The following MED17 variants were observed in gnomAD, a reference collection of about 807,000 sequenced individuals.
MED17 encodes mediator complex subunit 17.
In MED17, 49 loss-of-function variants were observed where a neutral mutation model predicts 80.8. That is an observed-to-expected ratio of 0.61 (90% CI 0.48 to 0.77). MED17 has a LOEUF of 0.77. MED17 is among the 30% of genes least tolerant of loss of function. MED17 has a pLI of 0.00. For missense variants in MED17, 718 were observed against 787.0 expected, an observed-to-expected ratio of 0.91 and a Z score of 1.05; for synonymous variants, 281 against 280.4, an observed-to-expected ratio of 1.00 and a Z score of -0.02.
intron 9 of MED17, among the ~76,000 whole-genome samples, chr11:93,805,217 C>T (rs914491997): frequency 5.3e-5 from 8 of 152,004 alleles, no homozygotes; most frequent in South Asian, 4.1e-4. Flanking sequence ...ACATTTTTGT[C>T]GAGTACCAGG....
intron 8 of MED17, 40 bp from the exon 9 acceptor site, chr11:93,801,795 T>TGG: frequency 1.3e-6 from 2 of 1,587,154 alleles, no homozygotes; most frequent in Non-Finnish European, 1.7e-6. Context: ...TCATTTTGTA[T>TGG]GGTGACTTAA....
In MED17 at chr11:93,784,754, G is replaced by A. The variant is rs200031503; in HGVS notation, c.241G>A (p.Asp81Asn). The stretch of plus-strand genomic sequence containing the variant: ...CGCCGGGTCCAGCGCAGACCAGGAC[G>A]ACGAGGAAGGTAAGGCCTGCATCCG... ...PGAGSSADQD[D>N]EEGVVKFQPS... The change falls in exon 1 of 12, where the codon GAC becomes AAC. Residue 81 changes from aspartate (D) to asparagine (N), a missense_variant. Coordinates refer to ENST00000251871, the MANE Select transcript of MED17 (RefSeq NM_004268.5). 40 of 1,539,868 alleles carry A rather than the reference G, an allele frequency of 2.6e-5. No homozygotes were observed. The highest frequency in any genetic ancestry group is 3.5e-5 in the Non-Finnish European group (40 of 1,148,050).
chr11:93,796,649 C>A, intron 7 of MED17, 109 bp downstream of exon 7: 1 of 1,223,376 alleles, frequency 8.2e-7, no homozygotes, highest in Non-Finnish European at 1.2e-6. Context: ...ATAGCAACAA[C>A]ATTCACTGTC....
intron 2 of MED17, chr11:93,789,390 T>C (rs904287226): frequency 6.6e-6 from 1 of 152,182 alleles, no homozygotes; most frequent in African/African-American, 2.4e-5. Flanking sequence ...CCCACTGCCT[T>C]TTCTACTATT....
chr11:93,807,345 G>A (rs1390763961), intron 9 of MED17, 173 bp from the exon 10 acceptor site: 13 of 564,662 alleles, frequency 2.3e-5, no homozygotes, highest in Middle Eastern at 4.9e-4. Context: ...CTCAGGAAGC[G>A]GAGGTTGCAG....
intron 11 of MED17, chr11:93,810,946 G>A (rs1187569804): frequency 6.6e-6 from 1 of 152,278 alleles, no homozygotes; most frequent in Admixed American, 6.5e-5. Flanking sequence ...AGATGGTACA[G>A]CCTACTACAT....
At chr11:93,801,650 A>G in intron 8 of MED17, 185 bp from the exon 9 acceptor site, 1 of 583,628 alleles carries the variant, frequency 1.7e-6, no homozygotes, top group Admixed American at 3.0e-5. Context: ...CTGAGAACCT[A>G]CACATTCAAG....
chr11:93,784,976 A>G (rs1305441811), intron 1 of MED17: 3 of 672,908 alleles, frequency 4.5e-6, no homozygotes, highest in Non-Finnish European at 5.0e-6. Context: ...GTCTCCTTGA[A>G]TGGCAGCGTT....
chr11:93,790,232 A>G (rs1280966889), intron 2 of MED17: 1 of 398,252 alleles, frequency 2.5e-6, no homozygotes, highest in Admixed American at 3.5e-5. Context: ...CAAAAAGGTT[A>G]TATATAACTA....
At chr11:93,795,832 CAAATT>C (rs557197611) in intron 6 of MED17, 45 of 154,982 alleles carry the variant, frequency 2.9e-4, no homozygotes, top group African/African-American at 1.1e-3. Flanking sequence ...AAGGAAAAAA[CAAATT>C]AATATATAGC....
Position 93,784,283 on chromosome 11 carries a change from GT to G in MED17, c.-227del. On this transcript the variant is annotated 5_prime_UTR_variant, in exon 1 of 12. Coordinates refer to ENST00000251871, the MANE Select transcript of MED17 (RefSeq NM_004268.5). The stretch of plus-strand genomic sequence containing the variant: ...ACCCTGGAGCTTCCGCGCCTGCCCA[GT>G]TTTGCTCCGAAAGACTTACCGAGGA... 2 of 592,322 alleles carry G rather than the reference GT, an allele frequency of 3.4e-6. No individual in the cohort carries two copies. The highest frequency in any genetic ancestry group is 4.7e-5 in the South Asian group (2 of 42,768). 36.7% of individuals were successfully genotyped at this position (592,322 alleles called of 1,614,324 possible). A position where few individuals can be genotyped will look rare whatever the true frequency, so the allele number is the denominator to read the frequency against.
chr11:93,797,303 C>G (rs1187626591), intron 7 of MED17: 1 of 515,778 alleles, frequency 1.9e-6, no homozygotes, highest in Non-Finnish European at 3.5e-6. Context: ...CGGCGCATTA[C>G]CCATCTGACA....
chr11:93,807,150 G>A (rs1591390726), intron 9 of MED17: 1 of 218,962 alleles, frequency 4.6e-6, no homozygotes. Context: ...AGTGGCTCAG[G>A]CCTGTAATCC....
intron 7 of MED17, chr11:93,797,202 T>C: frequency 3.6e-6 from 1 of 276,442 alleles, no homozygotes; most frequent in Non-Finnish European, 6.9e-6. Context: ...AAATAAAAAT[T>C]AAAGCTTGAG....
At chr11:93,794,831 T>C in intron 5 of MED17, 77 bp from the exon 6 acceptor site, 1 of 1,447,060 alleles carries the variant, frequency 6.9e-7, no homozygotes, top group Non-Finnish European at 9.7e-7. Context: ...TTTTGTCATA[T>C]GTATTCAGAT....
At chr11:93,798,383 C>A (rs1011600169) in intron 8 of MED17, among the ~76,000 whole-genome samples, 14 of 152,008 alleles carry the variant, frequency 9.2e-5, no homozygotes, top group Non-Finnish European at 1.8e-4. Flanking sequence ...GTGAAAAGGC[C>A]TGTTTTTTAC....
intron 1 of MED17, 65 bp downstream of exon 1, chr11:93,784,828 C>T: frequency 1.3e-6 from 2 of 1,526,804 alleles, no homozygotes; most frequent in Non-Finnish European, 1.8e-6. Flanking sequence ...GGGCCTCCGC[C>T]TCTCCCGCGA....
chr11:93,797,796 T>G, intron 8 of MED17, 77 bp downstream of exon 8: 4 of 1,352,572 alleles, frequency 3.0e-6, no homozygotes, highest in Non-Finnish European at 3.1e-6. Flanking sequence ...TCATAACACT[T>G]TTTTGGGATG....
At chr11:93,809,411 C>T in intron 10 of MED17, 1 of 414,068 alleles carries the variant, frequency 2.4e-6, no homozygotes, top group African/African-American at 2.0e-5. Flanking sequence ...TTTGAAGGGG[C>T]AAATGTTACA....
Sources: gnomAD v4.1 joint callset for allele counts (sites outside exome capture counted in the v4.1 genomes callset) on GRCh38, gnomAD v4.1.1 for gene constraint, MANE v1.5 for transcripts, NCBI Gene and HGNC (gene_info 2026-07-23, HGNC 2026-07-21) for gene names.